Variants in CHST12 observed in about 807,000 individuals in gnomAD.
CHST12 encodes carbohydrate sulfotransferase 12, also known as carbohydrate (chondroitin 4) sulfotransferase 12.
A neutral mutation model predicts 27.9 loss-of-function variants in CHST12; 23 were observed. That is an observed-to-expected ratio of 0.82 (90% CI 0.59 to 1.17). CHST12 has a LOEUF of 1.17. Among genes scored for constraint, CHST12 ranks in the 50% most tolerant of loss-of-function variants. The pLI, the probability that CHST12 is intolerant of heterozygous loss-of-function variation, is 0.00. For synonymous variants in CHST12, 322 were observed against 273.0 expected (o/e 1.18, Z -1.77); for missense variants, 682 against 603.0 (o/e 1.13, Z -1.37).
chr7:2,426,456 A>T (rs1305713751), intron 1 of CHST12, among the ~76,000 whole-genome samples: 1 of 152,122 alleles, frequency 6.6e-6, no homozygotes, highest in Non-Finnish European at 1.5e-5. Context: ...GATGGGACCT[A>T]TGGAGAGTGC....
rs754192915 is a variant in CHST12, at chr7:2,433,301, G to T, written c.662G>T (p.Arg221Leu). 1 of 1,612,238 alleles carries T rather than the reference G, an allele frequency of 6.2e-7. No homozygotes were observed. Among genetic ancestry groups the T allele is most frequent in the African/African-American group, 1.3e-5 (1 of 74,896 alleles). The change falls in exon 2 of 2, where the codon CGC becomes CTC. Residue 221 changes from arginine to leucine, a missense_variant. By Grantham distance (102) the Arg-to-Leu change is moderately radical. Transcript: ENST00000618655. The surrounding 1 kb of genome is among the most constrained non-coding windows in gnomAD (Gnocchi z 6.1). ...SAHLTFNKFW[R>L]RYGKLSRHLM... ...CACCTGACCTTCAACAAGTTCTGGC[G>T]CCGCTACGGGAAGCTCTCCCGCCAC...
At chr7:2,431,926 A>C (rs1782278642) in intron 1 of CHST12, among the ~76,000 whole-genome samples, 1 of 152,038 alleles carries the variant, frequency 6.6e-6, no homozygotes, top group Non-Finnish European at 1.5e-5. Context: ...CGTCCCTGAG[A>C]CCACTGTGGG....
chr7:2,432,408 G>A (rs1047714254), intron 1 of CHST12, among the ~76,000 whole-genome samples, 155 bp from the exon 2 acceptor site: 1 of 152,158 alleles, frequency 6.6e-6, no homozygotes, highest in Non-Finnish European at 1.5e-5. Flanking sequence ...TCCCTGCACT[G>A]CTGACCTCAG....
At position 2,433,688 on chromosome 7, in the gene CHST12, C is replaced by T. The variant is rs957160573; in HGVS notation, c.1049C>T (p.Ala350Val). Reference protein sequence around the residue: ...GKLETLDEDAAQLLQLLQVDR... With the variant: ...GKLETLDEDAVQLLQLLQVDR... ...CTGGAGACTCTGGACGAGGACGCCG[C>T]GCAGCTGCTGCAGCTACTCCAGGTG... Residue 350 changes from alanine (A) to valine (V), a missense_variant, in exon 2 of 2, where the codon GCG becomes GTG. Physicochemically the swap from Ala to Val is moderately conservative, Grantham distance 64. Coordinates refer to ENST00000618655, the MANE Select transcript of CHST12 (RefSeq NM_018641.5). The surrounding 1 kb of genome is among the most constrained non-coding windows in gnomAD (Gnocchi z 6.1). 4 of 1,613,262 alleles carry T rather than the reference C, an allele frequency of 2.5e-6. No individual in the cohort carries two copies. The highest frequency in any genetic ancestry group is 1.7e-5 in the Admixed American group (1 of 59,984).
intron 1 of CHST12, among the ~76,000 whole-genome samples, chr7:2,405,629 G>A (rs1227911044): frequency 1.3e-5 from 2 of 152,170 alleles, no homozygotes; most frequent in Admixed American, 6.6e-5. Context: ...CTTGTGGGGC[G>A]TGGGTCTGGG....
rs143231526 is a variant in CHST12 at position 2,423,331 on chromosome 7, A to C, written c.-77-9232A>C. Among the ~76,000 whole-genome samples, 14 of 152,250 alleles carry C rather than the reference A, an allele frequency of 9.2e-5. No individual in the cohort carries two copies. The East Asian group carries it at 2.7e-3, about 29-fold the overall frequency. On this transcript the variant is annotated intron_variant, in intron 1 of 1. Coordinates refer to ENST00000618655, the MANE Select transcript of CHST12 (RefSeq NM_018641.5). ...TAAAATCGTGTGGTTATAACCGTTC[A>C]GAGGGTATTGAAAGCTGGTACAGGA...
At chr7:2,426,002 TGGGGACGACGGGGCTCGCTAGATCAGCA>T (rs1782108534) in intron 1 of CHST12, among the ~76,000 whole-genome samples, 1 of 151,718 alleles carries the variant, frequency 6.6e-6, no homozygotes, top group Non-Finnish European at 1.5e-5. Flanking sequence ...AGAGACAGGC[TGGGGACGACGGGGCTCGCTAGATCAGCA>T]GGGGACCTCT....
At chr7:2,404,212 T>G (rs1213394464) in intron 1 of CHST12, 1 of 152,378 alleles carries the variant, frequency 6.6e-6, no homozygotes, top group African/African-American at 2.4e-5. Flanking sequence ...GGCAGGTCGC[T>G]CAGGGTATCC....
chr7:2,446,495 G>C lies in CHST12; in HGVS notation c.*12611G>C, dbSNP rs968980055. The C allele has an allele frequency of 3.3e-5, 5 of 152,684 alleles. No homozygotes were observed. The highest frequency in any genetic ancestry group is 5.9e-5 in the Non-Finnish European group (4 of 68,090). 9.5% of individuals were successfully genotyped at this position (152,684 alleles called of 1,614,324 possible). ...GCCTGAACTATGTCTGTGGATGACGGAGCCACGACCTGTCCCTCAGGGCTC... is the reference window on the plus strand; with the variant it reads ...GCCTGAACTATGTCTGTGGATGACGCAGCCACGACCTGTCCCTCAGGGCTC... On this transcript the variant is annotated 3_prime_UTR_variant, in exon 2 of 2. Transcript: ENST00000618655.
intron 1 of CHST12, among the ~76,000 whole-genome samples, chr7:2,421,413 T>C (rs937191819): frequency 6.6e-6 from 1 of 150,822 alleles, no homozygotes; most frequent in African/African-American, 2.4e-5. Flanking sequence ...GCCTGGCTAG[T>C]TTTTTAGTTT....
Position 2,441,322 on chromosome 7 carries a change from C to G in CHST12, c.*7438C>G, listed in dbSNP as rs1435662962. 6.6e-6 allele frequency: 1 copy of G among 152,186 alleles called. No individual in the cohort carries two copies. Among genetic ancestry groups the G allele is most frequent in the Admixed American group, 6.5e-5 (1 of 15,272 alleles). The allele number at this position is 152,186 out of a possible 1,614,324, so 9.4% of individuals were successfully genotyped here. A position where few individuals can be genotyped will look rare whatever the true frequency, so the allele number is the denominator to read the frequency against. The stretch of plus-strand genomic sequence containing the variant: ...GCCTTCCAGCCTAGGTCTCCTGCCC[C>G]TGGGCTGGAGTTCATCTTTTAGGCA... On this transcript the variant is annotated 3_prime_UTR_variant, in exon 2 of 2. Transcript: ENST00000618655.
At chr7:2,411,712 C>T (rs1781672212) in intron 1 of CHST12, among the ~76,000 whole-genome samples, 1 of 152,046 alleles carries the variant, frequency 6.6e-6, no homozygotes, top group Non-Finnish European at 1.5e-5. Context: ...GGTCTCCTGA[C>T]CTCAGGTGAT....
At chr7:2,407,897 C>T (rs548469877) in intron 1 of CHST12, among the ~76,000 whole-genome samples, 14 of 152,018 alleles carry the variant, frequency 9.2e-5, no homozygotes, top group Non-Finnish European at 2.1e-4. Flanking sequence ...CACTGCACTC[C>T]AGCCTGGGCA....
chr7:2,406,953 G>T (rs1232294015), intron 1 of CHST12, among the ~76,000 whole-genome samples: 1 of 151,714 alleles, frequency 6.6e-6, no homozygotes, highest in African/African-American at 2.4e-5. Flanking sequence ...CGAAAATATC[G>T]CGAACATGAG....
At position 2,438,573 on chromosome 7, in the gene CHST12, C is replaced by A. The variant is rs1782528893; in HGVS notation, c.*4689C>A. ...AATTTTTGCTCACTTATTTATAAGC[C>A]ACACATCCTCTTCTATCCTACCAAA... On this transcript the variant is annotated 3_prime_UTR_variant, in exon 2 of 2. Coordinates refer to ENST00000618655, the MANE Select transcript of CHST12 (RefSeq NM_018641.5). 6.6e-6 allele frequency: 1 copy of A among 152,202 alleles called. No individual in the cohort carries two copies. Among genetic ancestry groups the A allele is most frequent in the African/African-American group, 2.4e-5 (1 of 41,454 alleles). The allele number at this position is 152,202 out of a possible 1,614,324, so 9.4% of individuals were successfully genotyped here.
chr7:2,422,161 T>C (rs559321478), intron 1 of CHST12, among the ~76,000 whole-genome samples: 1 of 152,320 alleles, frequency 6.6e-6, no homozygotes, highest in South Asian at 2.1e-4. Context: ...AGCTTCACTC[T>C]CCTCGTTAGT....
intron 1 of CHST12, among the ~76,000 whole-genome samples, chr7:2,419,532 C>T (rs962595776): frequency 1.3e-5 from 2 of 151,766 alleles, no homozygotes; most frequent in Non-Finnish European, 2.9e-5. Flanking sequence ...CATGGTGAAG[C>T]CCCGTCTCTA....
rs773370946 is a variant in CHST12, at chr7:2,433,607, G to A, written c.968G>A (p.Arg323Gln). The part of the protein sequence containing the change: ...EKLAPFNEHW[R>Q]QVYRLCHPCQ... The stretch of plus-strand genomic sequence containing the variant: ...CTGGCGCCCTTCAACGAGCACTGGC[G>A]GCAGGTGTACCGCCTCTGCCACCCG... Residue 323 changes from arginine to glutamine, a missense_variant, in exon 2 of 2, where the codon CGG becomes CAG. By Grantham distance (43) the Arg-to-Gln change is conservative. Coordinates refer to ENST00000618655, the MANE Select transcript of CHST12 (RefSeq NM_018641.5). This position sits in a 1 kb window ranked among gnomAD's most constrained non-coding sequence, Gnocchi z 6.1. The A allele has an allele frequency of 4.3e-6, 7 of 1,613,304 alleles. No individual in the cohort carries two copies. Among genetic ancestry groups the A allele is most frequent in the East Asian group, 4.5e-5 (2 of 44,874 alleles).
intron 1 of CHST12, among the ~76,000 whole-genome samples, chr7:2,424,519 T>C (rs1304252099): frequency 6.6e-6 from 1 of 152,132 alleles, no homozygotes; most frequent in African/African-American, 2.4e-5. Context: ...GAGAAGCTTA[T>C]GCCGGAAGAA....
Sources: allele counts gnomAD v4.1 joint callset (sites outside exome capture counted in the v4.1 genomes callset), GRCh38; gene constraint gnomAD v4.1.1; non-coding constraint Gnocchi (gnomAD v3.1); transcripts MANE v1.5; gene names NCBI Gene and HGNC (gene_info 2026-07-23, HGNC 2026-07-21).